Variants in GRID2 observed in about 807,000 individuals in gnomAD.
The protein encoded by GRID2 is glutamate ionotropic receptor delta type subunit 2.
In GRID2, 33 loss-of-function variants were observed where a neutral mutation model predicts 114.8. The observed-to-expected ratio is 0.29, with a 90% CI of 0.22 to 0.38. GRID2 has a LOEUF of 0.38. Ranked by LOEUF, GRID2 falls within the 10% of genes least tolerant of loss-of-function variation. GRID2 has a pLI of 1.00. For synonymous variants in GRID2, 505 were observed against 449.9 expected, an observed-to-expected ratio of 1.12 and a Z score of -1.55; for missense variants, 1,184 against 1,257.7, an observed-to-expected ratio of 0.94 and a Z score of 0.89.
chr4:92,856,263 CCTT>C (rs1157554825), intron 2 of GRID2, among the ~76,000 whole-genome samples: 4 of 152,014 alleles, frequency 2.6e-5, no homozygotes, highest in African/African-American at 9.7e-5. Context: ...TCATTCCTGT[CCTT>C]CTTGTCCTCT....
intron 1 of GRID2, among the ~76,000 whole-genome samples, chr4:92,498,832 A>T (rs1265946601): frequency 6.6e-6 from 1 of 151,656 alleles, no homozygotes; most frequent in East Asian, 1.9e-4. Flanking sequence ...ATGCATACAT[A>T]ATCATTCATA....
chr4:92,960,069 AT>A (rs1752700705), intron 2 of GRID2, among the ~76,000 whole-genome samples: 2 of 152,032 alleles, frequency 1.3e-5, no homozygotes, highest in South Asian at 4.2e-4. Context: ...TATTTTGAAA[AT>A]TTTCAGCTAT....
chr4:92,589,704 C>G (rs1728618430), intron 1 of GRID2, among the ~76,000 whole-genome samples: 1 of 151,964 alleles, frequency 6.6e-6, no homozygotes, highest in Admixed American at 6.6e-5. Flanking sequence ...AAATTAAGAT[C>G]GCAAGAAAGG....
At chr4:93,093,779 G>A (rs757795845) in intron 3 of GRID2, among the ~76,000 whole-genome samples, 21 of 151,930 alleles carry the variant, frequency 1.4e-4, no homozygotes, top group Admixed American at 3.9e-4. Context: ...TACGTGCCTA[G>A]GGTGTTTAGT....
chr4:92,942,526 T>C (rs185742856), intron 2 of GRID2, among the ~76,000 whole-genome samples: 112 of 152,324 alleles, frequency 7.4e-4, no homozygotes, highest in African/African-American at 2.6e-3. Context: ...TTTATCCAAT[T>C]TGCCAGACTG....
At chr4:92,671,456 A>C (rs902891128) in intron 2 of GRID2, among the ~76,000 whole-genome samples, 1 of 152,102 alleles carries the variant, frequency 6.6e-6, no homozygotes, top group Non-Finnish European at 1.5e-5. Flanking sequence ...ATTATATGGG[A>C]AACTACATTC....
intron 11 of GRID2, among the ~76,000 whole-genome samples, chr4:93,469,787 A>T (rs1371396775): frequency 6.6e-6 from 1 of 152,102 alleles, no homozygotes; most frequent in East Asian, 1.9e-4. Flanking sequence ...GGCTGCACTT[A>T]ATCTCTAAGC....
chr4:93,245,095 A>G (rs1011033958), intron 8 of GRID2, among the ~76,000 whole-genome samples: 1 of 152,094 alleles, frequency 6.6e-6, no homozygotes, highest in African/African-American at 2.4e-5. Flanking sequence ...GTGTATATGT[A>G]AATATAATTA....
chr4:92,677,889 C>T (rs543321301), intron 2 of GRID2, among the ~76,000 whole-genome samples: 11 of 152,130 alleles, frequency 7.2e-5, no homozygotes, highest in Admixed American at 1.3e-4. Flanking sequence ...AGTTATGTTA[C>T]GTAAATCAGA....
intron 2 of GRID2, among the ~76,000 whole-genome samples, chr4:92,678,197 G>A (rs371006757): frequency 5.9e-5 from 9 of 151,986 alleles, no homozygotes; most frequent in East Asian, 1.9e-4. Flanking sequence ...CTCCCCCTGC[G>A]TATCTATCAG....
intron 2 of GRID2, among the ~76,000 whole-genome samples, chr4:92,973,683 T>C (rs1251896933): frequency 3.3e-5 from 5 of 152,186 alleles, no homozygotes; most frequent in African/African-American, 1.2e-4. Context: ...TAATTTATTT[T>C]ATAAGGTAAA....
intron 4 of GRID2, among the ~76,000 whole-genome samples, chr4:93,111,233 T>A (rs1396361228): frequency 6.6e-6 from 1 of 152,340 alleles, no homozygotes; most frequent in Non-Finnish European, 1.5e-5. Context: ...TTGACCTGAA[T>A]GAATCTGGCA....
intron 8 of GRID2, among the ~76,000 whole-genome samples, chr4:93,247,965 G>A (rs1481757459): frequency 6.6e-6 from 1 of 151,952 alleles, no homozygotes; most frequent in African/African-American, 2.4e-5. Context: ...GGATTAGTTG[G>A]GTTAGGAGTT....
intron 2 of GRID2, among the ~76,000 whole-genome samples, chr4:92,792,627 G>A (rs1292143709): frequency 1.3e-5 from 2 of 151,636 alleles, no homozygotes; most frequent in African/African-American, 4.8e-5. Context: ...TGGAGATATG[G>A]TCTAAAAATG....
chr4:93,343,922 GAATAT>G (rs1384829747), intron 8 of GRID2, among the ~76,000 whole-genome samples: 2 of 152,050 alleles, frequency 1.3e-5, no homozygotes, highest in African/African-American at 4.8e-5. Flanking sequence ...AATCTGTTTA[GAATAT>G]AATGGTCTAT....
At chr4:92,814,327 A>G (rs1392545879) in intron 2 of GRID2, among the ~76,000 whole-genome samples, 1 of 152,172 alleles carries the variant, frequency 6.6e-6, no homozygotes, top group Non-Finnish European at 1.5e-5. Context: ...AAGATTAGCT[A>G]GTAATAACTA....
At chr4:93,267,029 C>T (rs1409924236) in intron 8 of GRID2, among the ~76,000 whole-genome samples, 1 of 131,626 alleles carries the variant, frequency 7.6e-6, no homozygotes, top group East Asian at 2.3e-4. Flanking sequence ...CTTGTGAGAA[C>T]ATGTGGTATC....
chr4:93,215,405 A>G (rs753881414), intron 5 of GRID2, among the ~76,000 whole-genome samples: 2 of 152,040 alleles, frequency 1.3e-5, no homozygotes, highest in Admixed American at 6.6e-5. Flanking sequence ...TAAAATCAGG[A>G]CTTCAAATGG....
At chr4:93,119,152 C>T (rs1733548762) in intron 4 of GRID2, among the ~76,000 whole-genome samples, 2 of 152,082 alleles carry the variant, frequency 1.3e-5, no homozygotes, top group Non-Finnish European at 2.9e-5. Flanking sequence ...AGTGCTCCAC[C>T]TCTCATTCAA....
Sources: gnomAD v4.1 joint callset for allele counts (sites outside exome capture counted in the v4.1 genomes callset) on GRCh38, gnomAD v4.1.1 for gene constraint, MANE v1.5 for transcripts, NCBI Gene and HGNC (gene_info 2026-07-23, HGNC 2026-07-21) for gene names.